Variants in BCAR3 observed in about 807,000 individuals in gnomAD.
The protein encoded by BCAR3 is breast cancer anti-estrogen resistance protein 3.
Under a neutral mutation model 80.1 loss-of-function variants are expected in BCAR3, and 37 were observed. The observed-to-expected ratio is 0.46, with a 90% CI of 0.36 to 0.61. BCAR3 has a LOEUF of 0.61. Ranked by LOEUF, BCAR3 falls within the 20% of genes least tolerant of loss-of-function variation. BCAR3 has a pLI of 0.00. For missense variants in BCAR3, 978 were observed against 1,068.2 expected (o/e 0.92, Z 1.18); for synonymous variants, 389 against 418.9 (o/e 0.93, Z 0.87).
Position 93,761,124 on chromosome 1 carries a change from T to C in BCAR3, c.-62-54982A>G, listed in dbSNP as rs57787039. Reference sequence around the variant, plus strand: ...AGGGTCAAGGAGATGATTTTAGGCATGTGGAGTAGAATCCTGCTGGGACAG... The same window carrying C: ...AGGGTCAAGGAGATGATTTTAGGCACGTGGAGTAGAATCCTGCTGGGACAG... On this transcript the variant is annotated intron_variant, in intron 2 of 13. Coordinates refer to the BCAR3 transcript ENST00000370244. 2.8e-4 allele frequency among the ~76,000 whole-genome samples: 42 copies of C among 152,144 alleles called. 3 individuals carry two copies. The highest frequency in any genetic ancestry group is 1.2e-3 in the Admixed American group (19 of 15,298).
chr1:93,580,057 G>A (rs1673636281), intron 7 of BCAR3, among the ~76,000 whole-genome samples: 1 of 152,194 alleles, frequency 6.6e-6, no homozygotes, highest in African/African-American at 2.4e-5. Context: ...GGCCTGCTCA[G>A]CAGAAGTCCA....
In BCAR3 at chr1:93,712,519, A is replaced by G. The variant is rs74610660; in HGVS notation, c.-62-6377T>C. Among the ~76,000 whole-genome samples the G allele has an allele frequency of 6.4e-3, 973 of 152,330 alleles. 14 individuals carry two copies. The highest frequency in any genetic ancestry group is 0.023 in the African/African-American group (945 of 41,572). Reference sequence around the variant, plus strand: ...CTGATTTGTACTCTCCAGCCATCATAAAAGTGCTCACTGTCTAGGTCCATG... The same window carrying G: ...CTGATTTGTACTCTCCAGCCATCATGAAAGTGCTCACTGTCTAGGTCCATG... On this transcript the variant is annotated intron_variant, in intron 2 of 13. Coordinates refer to the BCAR3 transcript ENST00000370244.
chr1:93,799,071 T>C (rs1006331537), intron 2 of BCAR3, among the ~76,000 whole-genome samples: 2 of 152,206 alleles, frequency 1.3e-5, no homozygotes, highest in African/African-American at 4.8e-5. Context: ...AGTACATATA[T>C]AGTCAAGGGA....
At chr1:93,664,592 T>C (rs1057143972) in intron 2 of BCAR3, among the ~76,000 whole-genome samples, 7 of 152,176 alleles carry the variant, frequency 4.6e-5, no homozygotes, top group African/African-American at 1.7e-4. Context: ...TGAGTCTATA[T>C]AGGAATCCAA....
intron 1 of BCAR3, chr1:93,847,029 C>CT (rs1309442542): frequency 2.9e-5 from 2 of 69,532 alleles, no homozygotes; most frequent in South Asian, 2.3e-4. Flanking sequence ...GGCGGCCGGG[C>CT]GCGAGGGAAG....
chr1:93,635,197 G>A (rs1272577582), intron 3 of BCAR3, among the ~76,000 whole-genome samples: 1 of 151,968 alleles, frequency 6.6e-6, no homozygotes, highest in Non-Finnish European at 1.5e-5. Flanking sequence ...TCCAGCCTGG[G>A]CAACAGAATG....
chr1:93,841,559 GA>G (rs1654961654), intron 2 of BCAR3, among the ~76,000 whole-genome samples: 3 of 152,342 alleles, frequency 2.0e-5, no homozygotes, highest in Admixed American at 1.3e-4. Context: ...AACCAGCCAT[GA>G]GATCTGGAAT....
At chr1:93,779,457 A>G (rs920062862) in intron 2 of BCAR3, among the ~76,000 whole-genome samples, 1 of 152,330 alleles carries the variant, frequency 6.6e-6, no homozygotes, top group South Asian at 2.1e-4. Context: ...GAGTCGGTGG[A>G]CATAAGTAAA....
chr1:93,566,214 C>T (rs937212196), intron 11 of BCAR3, among the ~76,000 whole-genome samples: 6 of 152,058 alleles, frequency 3.9e-5, no homozygotes, highest in Non-Finnish European at 5.9e-5. Context: ...CCCAGTTTTC[C>T]CCAAGGTCTC....
chr1:93,730,933 A>G (rs1650763583), intron 2 of BCAR3, among the ~76,000 whole-genome samples: 1 of 152,216 alleles, frequency 6.6e-6, no homozygotes, highest in African/African-American at 2.4e-5. Flanking sequence ...AGGTGAATGG[A>G]CATCAGGAAT....
chr1:93,577,010 C>T (rs942868176), intron 7 of BCAR3, among the ~76,000 whole-genome samples: 1 of 152,068 alleles, frequency 6.6e-6, no homozygotes, highest in Non-Finnish European at 1.5e-5. Flanking sequence ...AAAAATTAGC[C>T]AGGCATGGTG....
At chr1:93,565,325 G>A (rs1347919366) in intron 11 of BCAR3, among the ~76,000 whole-genome samples, 2 of 152,014 alleles carry the variant, frequency 1.3e-5, no homozygotes, top group South Asian at 2.1e-4. Context: ...CTCAGCCTCC[G>A]AAAGTGCTGG....
intron 2 of BCAR3, among the ~76,000 whole-genome samples, chr1:93,651,670 C>A (rs1439916948): frequency 6.6e-6 from 1 of 152,148 alleles, no homozygotes; most frequent in Non-Finnish European, 1.5e-5. Context: ...AAGTTAGAGG[C>A]TCTCAGGAGT....
At chr1:93,598,393 G>T (rs1292108198) in intron 3 of BCAR3, among the ~76,000 whole-genome samples, 4 of 152,224 alleles carry the variant, frequency 2.6e-5, no homozygotes, top group African/African-American at 9.7e-5. Context: ...ATCCCTGCCT[G>T]TAAGAAAGGC....
chr1:93,744,985 C>T (rs578167178), intron 2 of BCAR3, among the ~76,000 whole-genome samples: 1 of 152,340 alleles, frequency 6.6e-6, no homozygotes, highest in South Asian at 2.1e-4. Context: ...TTAATTACCT[C>T]CAGGGAACCA....
intron 2 of BCAR3, among the ~76,000 whole-genome samples, chr1:93,826,026 T>C (rs1654361570): frequency 6.6e-6 from 1 of 152,068 alleles, no homozygotes; most frequent in Non-Finnish European, 1.5e-5. Context: ...TCAGTAAATG[T>C]GAGTTGAATT....
intron 11 of BCAR3, among the ~76,000 whole-genome samples, chr1:93,563,483 TG>T (rs1181432436): frequency 3.3e-5 from 5 of 152,240 alleles, no homozygotes; most frequent in Non-Finnish European, 5.9e-5. Flanking sequence ...TATGAGTAAG[TG>T]GTTGTGAACA....
At chr1:93,597,219 T>C (rs959345104) in intron 3 of BCAR3, among the ~76,000 whole-genome samples, 3 of 152,218 alleles carry the variant, frequency 2.0e-5, no homozygotes, top group Admixed American at 2.0e-4. Flanking sequence ...CTTCGAAATG[T>C]TCATGTTTGT....
At chr1:93,568,661 T>A (rs1673072862) in intron 9 of BCAR3, among the ~76,000 whole-genome samples, 1 of 152,150 alleles carries the variant, frequency 6.6e-6, no homozygotes, top group Admixed American at 6.5e-5. Context: ...ACACCCCTTT[T>A]AAAAATAAAT....
Sources: gnomAD v4.1 joint callset for allele counts (sites outside exome capture counted in the v4.1 genomes callset) on GRCh38, gnomAD v4.1.1 for gene constraint, MANE v1.5 for transcripts, NCBI Gene and HGNC (gene_info 2026-07-23, HGNC 2026-07-21) for gene names.